Variants in SEC16B observed in about 807,000 individuals in gnomAD.
SEC16B encodes the protein SEC16 homolog B, endoplasmic reticulum export factor, also known as protein transport protein Sec16B.
Under a neutral mutation model 141.8 loss-of-function variants are expected in SEC16B, and 115 were observed. The observed-to-expected ratio is 0.81, with a 90% CI of 0.70 to 0.95. The LOEUF (loss-of-function observed/expected upper bound fraction) is 0.95. Among genes scored for constraint, SEC16B ranks in the 40% least tolerant of loss-of-function variants. The pLI, the probability that SEC16B is intolerant of heterozygous loss-of-function variation, is 0.00. For synonymous variants in SEC16B, 493 were observed against 492.5 expected, an observed-to-expected ratio of 1.00 and a Z score of -0.01; for missense variants, 1,291 against 1,312.3, an observed-to-expected ratio of 0.98 and a Z score of 0.25.
At chr1:177,948,093 C>G (rs894887827) in intron 12 of SEC16B, among the ~76,000 whole-genome samples, 151 bp from the exon 13 acceptor site, 2 of 152,194 alleles carry the variant, frequency 1.3e-5, no homozygotes, top group East Asian at 3.9e-4. Context: ...TTAGAGCTCT[C>G]ATCTTTAAAA....
At chr1:177,936,613 G>A (rs542907329) in intron 19 of SEC16B, among the ~76,000 whole-genome samples, 1 of 152,128 alleles carries the variant, frequency 6.6e-6, no homozygotes, top group Admixed American at 6.5e-5. Flanking sequence ...TTGGAAATCA[G>A]AGCAACATCA....
chr1:177,943,190 G>GA (rs1364818335), intron 15 of SEC16B, among the ~76,000 whole-genome samples: 1 of 152,170 alleles, frequency 6.6e-6, no homozygotes, highest in African/African-American at 2.4e-5. Context: ...AGAAAGGAAA[G>GA]AAAAAGAGAC....
At chr1:177,977,415 C>G (rs990208324) in intron 1 of SEC16B, among the ~76,000 whole-genome samples, 1 of 152,318 alleles carries the variant, frequency 6.6e-6, no homozygotes, top group East Asian at 1.9e-4. Flanking sequence ...TTCAACTACT[C>G]TCTATTGCTG....
intron 13 of SEC16B, 51 bp from the exon 14 acceptor site, chr1:177,946,582 A>G: frequency 7.1e-7 from 1 of 1,410,544 alleles, no homozygotes; most frequent in South Asian, 1.3e-5. Context: ...CCGTATGGGG[A>G]GCCATCATCT....
intron 14 of SEC16B, 126 bp downstream of exon 14, chr1:177,946,294 A>G (rs1397416436): frequency 1.3e-6 from 1 of 780,100 alleles, no homozygotes; most frequent in East Asian, 2.7e-5. Flanking sequence ...ACAATCCCAA[A>G]TAAGGGAGCC....
intron 8 of SEC16B, chr1:177,959,185 C>G: frequency 1.7e-6 from 1 of 592,330 alleles, no homozygotes; most frequent in Non-Finnish European, 3.0e-6. Flanking sequence ...CTCATGCACC[C>G]CCTTTATAGA....
At chr1:177,962,770 T>C (rs1019477635) in intron 5 of SEC16B, among the ~76,000 whole-genome samples, 5 of 151,480 alleles carry the variant, frequency 3.3e-5, no homozygotes, top group Admixed American at 2.0e-4. Flanking sequence ...AAGAAATTCA[T>C]TGAATTTACA....
chr1:177,948,141 G>A (rs1163449894), intron 12 of SEC16B, among the ~76,000 whole-genome samples, 199 bp from the exon 13 acceptor site: 1 of 152,162 alleles, frequency 6.6e-6, no homozygotes, highest in Admixed American at 6.5e-5. Flanking sequence ...AGACAGATAC[G>A]TGTACATGCA....
Position 177,941,945 on chromosome 1 carries a change from G to A in SEC16B, c.1977C>T (p.Ser659=). The A allele has an allele frequency of 6.2e-7, 1 of 1,613,988 alleles. No homozygotes were observed. Among genetic ancestry groups the A allele is most frequent in the South Asian group, 1.1e-5 (1 of 91,070 alleles). Residue 659 remains serine (S), a synonymous_variant, in exon 16 of 26, where the codon AGC becomes AGT. Coordinates refer to ENST00000308284, the MANE Select transcript of SEC16B (RefSeq NM_033127.4). ...YCEAIGAAVL[S]QGESSHPVLL... Reference sequence around the variant, plus strand: ...GCACAGGGTGACTGCTCTCTCCCTGGCTCAAGACAGCTGCACCAATGGCTT... The same window carrying A: ...GCACAGGGTGACTGCTCTCTCCCTGACTCAAGACAGCTGCACCAATGGCTT...
chr1:177,971,349 G>T (rs868209063), upstream of SEC16B: 1 of 152,160 alleles, frequency 6.6e-6, no homozygotes, highest in Non-Finnish European at 1.5e-5. Flanking sequence ...CAAAGTGCTG[G>T]GATTACAGGC....
intron 10 of SEC16B, among the ~76,000 whole-genome samples, chr1:177,956,930 C>T (rs1329176463): frequency 2.0e-5 from 3 of 152,018 alleles, no homozygotes; most frequent in East Asian, 1.9e-4. Context: ...GTTATGATGT[C>T]GGGTTAGGTG....
intron 13 of SEC16B, 70 bp downstream of exon 13, chr1:177,947,755 A>AAGGGACAGGGAGTGGAGGTGAGGGG (rs1651831042): frequency 7.7e-6 from 4 of 518,876 alleles, no homozygotes; most frequent in Non-Finnish European, 1.4e-5. Context: ...GAGGTGAGGA[A>AAGGGACAGGGAGTGGAGGTGAGGGG]AGGGACAGGG....
rs764052942 is a variant in SEC16B, at chr1:177,929,923, T to G, written c.3118A>C (p.Thr1040Pro). ...YNPSQVPQLP[T>P]ATSLNRPNRL... ...TTTGGCCGATTCAGGCTAGTGGCCG[T>G]GGGCAGCTGGAAAAGAAGAACAAAT... The change falls in exon 26 of 26, where the codon ACG becomes CCG. Residue 1040 changes from threonine to proline, a missense_variant. Thr to Pro is a conservative substitution (Grantham distance 38). Coordinates refer to ENST00000308284, the MANE Select transcript of SEC16B (RefSeq NM_033127.4). 2 of 1,613,802 alleles carry G rather than the reference T, an allele frequency of 1.2e-6. No individual in the cohort carries two copies. The highest frequency in any genetic ancestry group is 2.2e-5 in the South Asian group (2 of 91,008).
At chr1:177,934,102 G>A (rs970514846) in intron 20 of SEC16B, among the ~76,000 whole-genome samples, 2 of 151,718 alleles carry the variant, frequency 1.3e-5, no homozygotes, top group African/African-American at 2.4e-5. Context: ...GCACCAAAGG[G>A]GGGTAAAATA....
chr1:177,978,510 C>A (rs902922945), intron 1 of SEC16B, among the ~76,000 whole-genome samples: 1 of 151,852 alleles, frequency 6.6e-6, no homozygotes, highest in Admixed American at 6.6e-5. Context: ...GCTCAAGAAA[C>A]CCTGGTCAAC....
intron 12 of SEC16B, among the ~76,000 whole-genome samples, chr1:177,949,445 G>T (rs1287471167): frequency 6.7e-6 from 1 of 149,704 alleles, no homozygotes; most frequent in Non-Finnish European, 1.5e-5. Flanking sequence ...AAAACTTAGA[G>T]GTCATTATTC....
chr1:177,967,586 A>C (rs999011572), intron 2 of SEC16B, 97 bp downstream of exon 2: 1 of 1,274,818 alleles, frequency 7.8e-7, no homozygotes, highest in African/African-American at 1.5e-5. Flanking sequence ...AAAAGAAAAA[A>C]GGGGGAGAAA....
chr1:177,979,165 C>A (rs1450189291), intron 1 of SEC16B, among the ~76,000 whole-genome samples: 2 of 152,030 alleles, frequency 1.3e-5, no homozygotes, highest in African/African-American at 4.8e-5. Flanking sequence ...ATATTTAACA[C>A]AAAAATGCAA....
At chr1:177,951,619 G>A (rs3828137) in intron 12 of SEC16B, among the ~76,000 whole-genome samples, 69,504 of 152,026 alleles carry the variant, frequency 0.46, 17,238 homozygotes, top group African/African-American at 0.65. Context: ...GAGTCAGACA[G>A]ACCTGGACAG....
Sources: allele counts gnomAD v4.1 joint callset (sites outside exome capture counted in the v4.1 genomes callset), GRCh38; gene constraint gnomAD v4.1.1; transcripts MANE v1.5; gene names NCBI Gene and HGNC (gene_info 2026-07-23, HGNC 2026-07-21).